RSRC1: variants seen among roughly 807,000 people sequenced by gnomAD.
RSRC1 encodes serine/Arginine-related protein 53.
Under a neutral mutation model 49.1 loss-of-function variants are expected in RSRC1, and 39 were observed. The ratio of observed to expected loss-of-function variants is 0.79; its 90% confidence interval spans 0.61 to 1.04. The LOEUF (loss-of-function observed/expected upper bound fraction) is 1.04, where lower values mean the gene tolerates loss of function less well. Among genes scored for constraint, RSRC1 ranks in the 50% least tolerant of loss-of-function variants. RSRC1 has a pLI of 0.00. For missense variants in RSRC1, 388 were observed against 402.4 expected (o/e 0.96, Z 0.31); for synonymous variants, 143 against 130.8 (o/e 1.09, Z -0.63).
At chr3:158,298,445 G>A (rs1447066875) in intron 5 of RSRC1, among the ~76,000 whole-genome samples, 2 of 151,896 alleles carry the variant, frequency 1.3e-5, no homozygotes, top group African/African-American at 4.8e-5. Flanking sequence ...GCATAAATAT[G>A]GTATGTTTTA....
intron 3 of RSRC1, among the ~76,000 whole-genome samples, chr3:158,135,470 G>A (rs7653039): frequency 6.0e-5 from 9 of 150,196 alleles, no homozygotes; most frequent in African/African-American, 2.2e-4. Flanking sequence ...AGTAGAGACA[G>A]GGTTTTACCA....
chr3:158,350,561 G>C (rs1293700793), intron 5 of RSRC1, among the ~76,000 whole-genome samples: 1 of 152,076 alleles, frequency 6.6e-6, no homozygotes, highest in Non-Finnish European at 1.5e-5. Context: ...CTCTCTTCTT[G>C]GCCTGCAGAT....
At chr3:158,111,718 T>C (rs547348487) in intron 1 of RSRC1, among the ~76,000 whole-genome samples, 1 of 152,332 alleles carries the variant, frequency 6.6e-6, no homozygotes, top group East Asian at 1.9e-4. Flanking sequence ...TTTCTGGCCA[T>C]GTGTCCAGAA....
rs190849759 is a variant in RSRC1 at position 158,489,526 on chromosome 3, A to G, written c.652+28523A>G. ...GGGACAAATTATGAATGGATATAGAACAATACAAAATAAAGTTGTAGTTTA... is the reference window on the plus strand; with the variant it reads ...GGGACAAATTATGAATGGATATAGAGCAATACAAAATAAAGTTGTAGTTTA... On this transcript the variant is annotated intron_variant, in intron 7 of 9. Coordinates refer to ENST00000611884, the MANE Select transcript of RSRC1 (RefSeq NM_001271838.2). Among the ~76,000 whole-genome samples, 944 of 152,286 alleles carry G rather than the reference A, an allele frequency of 6.2e-3. 9 individuals carry two copies. Among genetic ancestry groups the G allele is most frequent in the Non-Finnish European group, 7.8e-3 (532 of 68,022 alleles).
At chr3:158,391,265 G>T (rs1409483583) in intron 6 of RSRC1, among the ~76,000 whole-genome samples, 1 of 151,670 alleles carries the variant, frequency 6.6e-6, no homozygotes, top group Non-Finnish European at 1.5e-5. Context: ...CTATCTTTTT[G>T]GTAGTTTGGT....
chr3:158,478,449 G>A (rs1242122279), intron 7 of RSRC1, among the ~76,000 whole-genome samples: 1 of 151,870 alleles, frequency 6.6e-6, no homozygotes, highest in East Asian at 1.9e-4. Context: ...TAAACTCTCA[G>A]ACATAATGAA....
At chr3:158,212,948 A>G (rs1195072092) in intron 4 of RSRC1, among the ~76,000 whole-genome samples, 4 of 151,960 alleles carry the variant, frequency 2.6e-5, no homozygotes, top group African/African-American at 9.7e-5. Context: ...TTCTGTTCTC[A>G]CAGGCTTTCT....
intron 4 of RSRC1, among the ~76,000 whole-genome samples, chr3:158,287,003 T>A (rs1348996263): frequency 6.6e-6 from 1 of 152,170 alleles, no homozygotes; most frequent in Non-Finnish European, 1.5e-5. Context: ...ATTTTTTGTA[T>A]TTTTAGTAGA....
At chr3:158,487,949 G>GAA (rs58689210) in intron 7 of RSRC1, among the ~76,000 whole-genome samples, 22 of 28,928 alleles carry the variant, frequency 7.6e-4, no homozygotes, top group South Asian at 2.2e-3. Context: ...TCCATCTCAA[G>GAA]AAAAAAAAAA....
intron 7 of RSRC1, among the ~76,000 whole-genome samples, chr3:158,470,334 A>ACG (rs1738073758): frequency 1.8e-5 from 2 of 111,356 alleles, no homozygotes. Flanking sequence ...ACACACACAC[A>ACG]CACACACACA....
intron 7 of RSRC1, among the ~76,000 whole-genome samples, chr3:158,487,423 A>G (rs1032062065): frequency 1.3e-5 from 2 of 152,176 alleles, no homozygotes; most frequent in African/African-American, 4.8e-5. Context: ...ATCAAGATGC[A>G]TCTTACAATT....
intron 7 of RSRC1, among the ~76,000 whole-genome samples, chr3:158,506,071 C>T (rs1739847500): frequency 6.6e-6 from 1 of 152,128 alleles, no homozygotes. Flanking sequence ...CTCAAAAACA[C>T]AGACAACAGA....
At chr3:158,147,544 CTTTAAA>C (rs1717221242) in intron 3 of RSRC1, among the ~76,000 whole-genome samples, 1 of 151,528 alleles carries the variant, frequency 6.6e-6, no homozygotes, top group Non-Finnish European at 1.5e-5. Flanking sequence ...AAAAACCTAA[CTTTAAA>C]TTTATCTTTG....
intron 4 of RSRC1, among the ~76,000 whole-genome samples, chr3:158,283,479 T>C (rs1726300171): frequency 6.6e-6 from 1 of 152,152 alleles, no homozygotes; most frequent in African/African-American, 2.4e-5. Flanking sequence ...TGTATAAAAC[T>C]TACCCTCTTA....
intron 3 of RSRC1, among the ~76,000 whole-genome samples, chr3:158,184,136 A>G (rs1233427848): frequency 1.3e-5 from 2 of 152,168 alleles, no homozygotes; most frequent in Non-Finnish European, 2.9e-5. Flanking sequence ...ACTAAGAAAA[A>G]GTATAATTTT....
chr3:158,382,954 T>G (rs1268688385), intron 6 of RSRC1, among the ~76,000 whole-genome samples: 1 of 152,228 alleles, frequency 6.6e-6, no homozygotes, highest in East Asian at 1.9e-4. Flanking sequence ...CTTCCTTCTC[T>G]TCACTGATTT....
At chr3:158,387,005 T>G (rs762794114) in intron 6 of RSRC1, among the ~76,000 whole-genome samples, 1 of 152,016 alleles carries the variant, frequency 6.6e-6, no homozygotes, top group South Asian at 2.1e-4. Flanking sequence ...TTGTTTTATA[T>G]AACAAAATAC....
intron 1 of RSRC1, among the ~76,000 whole-genome samples, chr3:158,116,361 G>A (rs1261205362): frequency 1.3e-5 from 2 of 152,100 alleles, no homozygotes; most frequent in African/African-American, 4.8e-5. Flanking sequence ...TTGCAATTCA[G>A]TTACACAAAT....
At chr3:158,314,352 C>T (rs1028847730) in intron 5 of RSRC1, among the ~76,000 whole-genome samples, 1 of 151,826 alleles carries the variant, frequency 6.6e-6, no homozygotes, top group African/African-American at 2.4e-5. Flanking sequence ...CTCGGCCTCC[C>T]AGAGTGCTGG....
Sources: gnomAD v4.1 joint callset for allele counts (sites outside exome capture counted in the v4.1 genomes callset) on GRCh38, gnomAD v4.1.1 for gene constraint, MANE v1.5 for transcripts, NCBI Gene and HGNC (gene_info 2026-07-23, HGNC 2026-07-21) for gene names.